Variants in SOX5 observed in about 807,000 individuals in gnomAD.
SOX5 encodes transcription factor SOX-5.
In SOX5, 9 loss-of-function variants were observed where a neutral mutation model predicts 92.0. That is an observed-to-expected ratio of 0.10 (90% CI 0.06 to 0.17). The LOEUF (loss-of-function observed/expected upper bound fraction) is 0.17. Ranked by LOEUF, SOX5 falls within the 10% of genes least tolerant of loss-of-function variation. SOX5 has a pLI of 1.00. For missense variants in SOX5, 642 were observed against 944.5 expected, an observed-to-expected ratio of 0.68 and a Z score of 4.20; for synonymous variants, 344 against 336.3, an observed-to-expected ratio of 1.02 and a Z score of -0.25.
intron 2 of SOX5, among the ~76,000 whole-genome samples, chr12:24,278,103 T>A (rs546862237): frequency 2.6e-5 from 4 of 152,316 alleles, no homozygotes; most frequent in Non-Finnish European, 5.9e-5. Context: ...TGATTCTGGC[T>A]CAGTCGCTCC....
intron 2 of SOX5, among the ~76,000 whole-genome samples, chr12:23,893,024 T>A (rs1469228547): frequency 6.6e-6 from 1 of 152,250 alleles, no homozygotes; most frequent in Non-Finnish European, 1.5e-5. Flanking sequence ...GAACTTCTGC[T>A]TTAGATGAAG....
At chr12:24,489,357 T>C (rs1946824119) in intron 1 of SOX5, among the ~76,000 whole-genome samples, 1 of 151,992 alleles carries the variant, frequency 6.6e-6, no homozygotes, top group Non-Finnish European at 1.5e-5. Flanking sequence ...AGGGAGAGTG[T>C]GGGAGAGAGA....
Position 23,736,639 on chromosome 12 carries a change from T to C in SOX5, c.742-1887A>G, listed in dbSNP as rs534173568. ...TTTAATTATAATTATTTTAATGCTT[T>C]AATTTTATCTTTGGAATATGGTAAA... On this transcript the variant is annotated intron_variant, in intron 5 of 14. Transcript: ENST00000451604. Among the ~76,000 whole-genome samples, 3 of 151,702 alleles carry C rather than the reference T, an allele frequency of 2.0e-5. No individual in the cohort carries two copies. The South Asian group carries it at 6.2e-4, about 32-fold the overall frequency.
intron 6 of SOX5, among the ~76,000 whole-genome samples, chr12:23,723,886 A>T (rs1224840543): frequency 6.6e-6 from 1 of 152,070 alleles, no homozygotes; most frequent in East Asian, 1.9e-4. Context: ...GTCTCAACAT[A>T]AGATAATTCT....
intron 2 of SOX5, among the ~76,000 whole-genome samples, chr12:23,862,813 T>G (rs2096770447): frequency 6.6e-6 from 1 of 152,202 alleles, no homozygotes; most frequent in Non-Finnish European, 1.5e-5. Context: ...ATGTACCAAG[T>G]AAATGTGGCA....
chr12:24,461,519 G>A (rs1341019231), intron 1 of SOX5, among the ~76,000 whole-genome samples: 1 of 152,158 alleles, frequency 6.6e-6, no homozygotes, highest in Non-Finnish European at 1.5e-5. Context: ...CTTCTTAGAA[G>A]AAATACCTGC....
At chr12:24,480,480 C>G (rs753019459) in intron 1 of SOX5, among the ~76,000 whole-genome samples, 1 of 152,026 alleles carries the variant, frequency 6.6e-6, no homozygotes, top group South Asian at 2.1e-4. Flanking sequence ...AACCCACGGC[C>G]TGGGAGAAAA....
chr12:24,352,604 ACT>A, intron 2 of SOX5, among the ~76,000 whole-genome samples: 1 of 152,142 alleles, frequency 6.6e-6, no homozygotes, highest in Admixed American at 6.5e-5. Context: ...TTACTCAGGC[ACT>A]GATTGGTTTT....
intron 2 of SOX5, among the ~76,000 whole-genome samples, chr12:24,313,871 C>T (rs1404372997): frequency 1.3e-5 from 2 of 152,202 alleles, no homozygotes; most frequent in African/African-American, 2.4e-5. Context: ...TAAAGCTTAT[C>T]TATTCTTTAC....
chr12:24,012,728 T>A lies in SOX5; in HGVS notation c.-1-116704A>T, dbSNP rs116175773. Among the ~76,000 whole-genome samples the A allele has an allele frequency of 2.6e-3, 394 of 152,190 alleles. 3 individuals are homozygous for A. Among genetic ancestry groups the A allele is most frequent in the African/African-American group, 9.0e-3 (375 of 41,544 alleles). On this transcript the variant is annotated intron_variant, in intron 4 of 4. Coordinates refer to the SOX5 transcript ENST00000446891. ...AGCAGGTGGCACTCTTTCCTCTACA[T>A]CCATTTTTAACCACTGTTTTAGGGC...
At chr12:23,714,857 T>C (rs138028514) in intron 6 of SOX5, among the ~76,000 whole-genome samples, 1 of 152,160 alleles carries the variant, frequency 6.6e-6, no homozygotes, top group African/African-American at 2.4e-5. Context: ...TTTGTAAAAT[T>C]TATTTATAAA....
intron 3 of SOX5, among the ~76,000 whole-genome samples, chr12:24,261,572 T>C (rs1477612590): frequency 2.0e-5 from 3 of 152,204 alleles, no homozygotes; most frequent in Non-Finnish European, 4.4e-5. Context: ...ATATTGACAC[T>C]TCCCCTATAG....
chr12:24,067,486 A>G (rs1461600543), intron 4 of SOX5, among the ~76,000 whole-genome samples: 3 of 152,190 alleles, frequency 2.0e-5, no homozygotes, highest in Non-Finnish European at 2.9e-5. Flanking sequence ...AGTCCTAGAA[A>G]GAGTATTCCT....
At chr12:23,566,727 T>A (rs1947172399) in intron 10 of SOX5, among the ~76,000 whole-genome samples, 1 of 152,226 alleles carries the variant, frequency 6.6e-6, no homozygotes, top group Non-Finnish European at 1.5e-5. Flanking sequence ...AACAGAAATG[T>A]CAAGATTAAG....
chr12:24,380,924 T>C (rs941900903), intron 1 of SOX5, among the ~76,000 whole-genome samples: 3 of 151,978 alleles, frequency 2.0e-5, no homozygotes. Context: ...GTCCCTAAAA[T>C]CTCCATCCAA....
chr12:24,431,126 GTCTATA>G (rs1249371732), intron 1 of SOX5, among the ~76,000 whole-genome samples: 1 of 152,140 alleles, frequency 6.6e-6, no homozygotes, highest in Non-Finnish European at 1.5e-5. Flanking sequence ...GTATATGTCT[GTCTATA>G]TCTATATGTC....
At chr12:24,548,621 C>T (rs775822073) in intron 1 of SOX5, among the ~76,000 whole-genome samples, 5 of 152,098 alleles carry the variant, frequency 3.3e-5, no homozygotes, top group South Asian at 2.1e-4. Context: ...TGGGAGATGA[C>T]CAGAGGGAGT....
intron 1 of SOX5, among the ~76,000 whole-genome samples, chr12:24,489,892 T>C (rs577699516): frequency 6.6e-6 from 1 of 152,336 alleles, no homozygotes; most frequent in South Asian, 2.1e-4. Flanking sequence ...CACGTTGGGA[T>C]TCCTGCCTGA....
chr12:23,677,170 A>G (rs2085842162), intron 6 of SOX5, among the ~76,000 whole-genome samples: 1 of 152,142 alleles, frequency 6.6e-6, no homozygotes, highest in Non-Finnish European at 1.5e-5. Context: ...ATGGAAAATA[A>G]TTGATTCAAT....
Sources: allele counts gnomAD v4.1 joint callset (sites outside exome capture counted in the v4.1 genomes callset), GRCh38; gene constraint gnomAD v4.1.1; transcripts MANE v1.5; gene names NCBI Gene and HGNC (gene_info 2026-07-23, HGNC 2026-07-21).